Variants in ACO2 observed in about 807,000 individuals in gnomAD.
ACO2 encodes the protein aconitate hydratase, mitochondrial.
A neutral mutation model predicts 84.5 loss-of-function variants in ACO2; 31 were observed. That is an observed-to-expected ratio of 0.37 (90% CI 0.28 to 0.50). ACO2 has a LOEUF of 0.50. Among genes scored for constraint, ACO2 ranks in the 20% least tolerant of loss-of-function variants. ACO2 has a pLI of 0.97. For missense variants in ACO2, 685 were observed against 1,029.3 expected, an observed-to-expected ratio of 0.67 and a Z score of 4.58; for synonymous variants, 414 against 412.7, an observed-to-expected ratio of 1.00 and a Z score of -0.04.
chr22:41,494,496 C>A (rs981994279), intron 1 of ACO2, among the ~76,000 whole-genome samples: 12 of 151,136 alleles, frequency 7.9e-5, no homozygotes, highest in African/African-American at 2.9e-4. Flanking sequence ...ACTGCAACCT[C>A]CACTTCCCGG....
At chr22:41,498,254 G>A (rs2066329449) in intron 1 of ACO2, among the ~76,000 whole-genome samples, 1 of 152,094 alleles carries the variant, frequency 6.6e-6, no homozygotes, top group African/African-American at 2.4e-5. Flanking sequence ...TCAGACTGCA[G>A]GGAAGTATGA....
chr22:41,474,270 T>C (rs1375362132), intron 1 of ACO2, among the ~76,000 whole-genome samples: 1 of 147,442 alleles, frequency 6.8e-6, no homozygotes, highest in African/African-American at 2.5e-5. Context: ...TTGAATTCAG[T>C]GGTCGTGTGT....
At position 41,525,044 on chromosome 22, in the gene ACO2, G is replaced by T. The variant is rs890981863; in HGVS notation, c.1605+76G>T. On this transcript the variant is annotated intron_variant, in intron 13 of 17. Coordinates refer to ENST00000216254, the MANE Select transcript of ACO2 (RefSeq NM_001098.3). ...CCTTCTCAACCTCACAGCACCTCCTGTGCAGGCAGGGAGGGCGCTGCTAGT... is the reference window on the plus strand; with the variant it reads ...CCTTCTCAACCTCACAGCACCTCCTTTGCAGGCAGGGAGGGCGCTGCTAGT... 3 of 1,610,342 alleles carry T rather than the reference G, an allele frequency of 1.9e-6. No homozygotes were observed. In the African/African-American group the frequency reaches 4.0e-5, roughly 21 times the overall value.
chr22:41,470,408 A>C (rs1222056952), intron 1 of ACO2, among the ~76,000 whole-genome samples: 1 of 152,134 alleles, frequency 6.6e-6, no homozygotes. Flanking sequence ...ATTTTTCATC[A>C]CATTGCTTAA....
intron 1 of ACO2, 110 bp downstream of exon 1, chr22:41,469,292 G>A: frequency 7.4e-7 from 1 of 1,351,954 alleles, no homozygotes; most frequent in East Asian, 2.6e-5. Flanking sequence ...CCAACTTCTC[G>A]TGTACCTGTC....
intron 4 of ACO2, 86 bp downstream of exon 4, chr22:41,512,054 AG>A (rs1342666249): frequency 6.5e-6 from 6 of 925,902 alleles, no homozygotes; most frequent in East Asian, 3.0e-5. Context: ...TTTGAGGCCC[AG>A]GGGGGCTGAG....
chr22:41,477,129 ATTAT>A (rs141758153), intron 1 of ACO2, among the ~76,000 whole-genome samples: 5,077 of 145,740 alleles, frequency 0.035, 267 homozygotes, highest in African/African-American at 0.12. Context: ...TGGTTTCCAT[ATTAT>A]TTATTTATTT....
rs767849912 is a variant in ACO2, at chr22:41,515,969, G to T, written c.835+52G>T. On this transcript the variant is annotated intron_variant, in intron 6 of 17. Coordinates refer to ENST00000216254, the MANE Select transcript of ACO2 (RefSeq NM_001098.3). The surrounding 1 kb of genome is among the most constrained non-coding windows in gnomAD (Gnocchi z 5.8). Reference sequence around the variant, plus strand: ...CCCCTACCCTGTGCTGGGCCTGATGGGTCTCCAGTTGGGAGTAGAAGCGGT... The same window carrying T: ...CCCCTACCCTGTGCTGGGCCTGATGTGTCTCCAGTTGGGAGTAGAAGCGGT... The T allele has an allele frequency of 6.3e-7, 1 of 1,585,178 alleles. No homozygotes were observed. Among genetic ancestry groups the T allele is most frequent in the African/African-American group, 1.3e-5 (1 of 74,310 alleles).
intron 1 of ACO2, among the ~76,000 whole-genome samples, chr22:41,485,094 C>A (rs2038136334): frequency 6.6e-6 from 1 of 152,078 alleles, no homozygotes; most frequent in Non-Finnish European, 1.5e-5. Context: ...TCAGGCTAGT[C>A]TCAAACTGCC....
intron 1 of ACO2, among the ~76,000 whole-genome samples, chr22:41,493,041 C>T (rs779872781): frequency 1.3e-5 from 2 of 152,186 alleles, no homozygotes; most frequent in Non-Finnish European, 2.9e-5. Flanking sequence ...GGCCATCATG[C>T]TGTGTCATCA....
intron 1 of ACO2, among the ~76,000 whole-genome samples, chr22:41,483,108 G>A (rs751853087): frequency 1.3e-5 from 2 of 152,230 alleles, no homozygotes; most frequent in Non-Finnish European, 2.9e-5. Context: ...GTGGGGGAAA[G>A]TGGAGGGCGA....
In ACO2 at chr22:41,517,120, A is replaced by C. The variant is rs117217130; in HGVS notation, c.836-407A>C. Among the ~76,000 whole-genome samples the C allele has an allele frequency of 2.7e-3, 404 of 152,262 alleles. 2 individuals carry two copies. Among genetic ancestry groups the C allele is most frequent in the Non-Finnish European group, 3.9e-3 (262 of 68,010 alleles). ...TTATGTGCTTTATGGCATGACCTTG[A>C]ATCTCTCTGAGCCAGTTCCTCCCCT... On this transcript the variant is annotated intron_variant, in intron 6 of 17. Transcript: ENST00000216254.
chr22:41,484,008 C>T (rs559107067), intron 1 of ACO2, among the ~76,000 whole-genome samples: 12 of 152,164 alleles, frequency 7.9e-5, no homozygotes, highest in South Asian at 4.2e-4. Flanking sequence ...TATCGAGTGT[C>T]GTAGCCGATG....
In ACO2 at chr22:41,487,540, A is replaced by G. The variant is rs559420985; in HGVS notation, c.37-12186A>G. On this transcript the variant is annotated intron_variant, in intron 1 of 17. Coordinates refer to ENST00000216254, the MANE Select transcript of ACO2 (RefSeq NM_001098.3). Reference sequence around the variant, plus strand: ...ATTGGGGAGGTAGTATGGGAGGGAAAGCATTGACTTGATAATTGGAGGGCT... The same window carrying G: ...ATTGGGGAGGTAGTATGGGAGGGAAGGCATTGACTTGATAATTGGAGGGCT... 4.6e-5 allele frequency among the ~76,000 whole-genome samples: 7 copies of G among 152,312 alleles called. No individual in the cohort carries two copies. The South Asian group carries it at 1.5e-3, about 32-fold the overall frequency.
At chr22:41,473,555 A>G (rs1321407975) in intron 1 of ACO2, among the ~76,000 whole-genome samples, 1 of 152,234 alleles carries the variant, frequency 6.6e-6, no homozygotes, top group Non-Finnish European at 1.5e-5. Context: ...GCATTGTTCT[A>G]GACACTGGGG....
At chr22:41,497,025 A>G (rs542996589) in intron 1 of ACO2, among the ~76,000 whole-genome samples, 24 of 151,600 alleles carry the variant, frequency 1.6e-4, no homozygotes, top group South Asian at 1.5e-3. Context: ...AGGAACACCA[A>G]CCACCTAGAA....
At position 41,523,288 on chromosome 22, in the gene ACO2, G is replaced by GT. The variant is rs751717279; in HGVS notation, c.1370+11dup. The GT allele has an allele frequency of 9.4e-6, 15 of 1,597,526 alleles. No individual in the cohort carries two copies. The highest frequency in any genetic ancestry group is 1.3e-5 in the African/African-American group (1 of 74,348). Reference sequence around the variant, plus strand: ...TTGGCCAGTGGGACAGGTAAGAGGCGTATCTTTTGACAAGACAGCCCCTTG... The same window carrying GT: ...TTGGCCAGTGGGACAGGTAAGAGGCGTTATCTTTTGACAAGACAGCCCCTTG... On this transcript the variant is annotated intron_variant, in intron 11 of 17. Transcript: ENST00000216254.
chr22:41,504,711 CTTTTTTTTTTTTTT>C lies in ACO2; in HGVS notation c.174-3063_174-3050del, dbSNP rs926246283. On this transcript the variant is annotated intron_variant, in intron 2 of 17. Transcript: ENST00000216254. ...GCCAGCAGATCCAGCACCTTAGGGA[CTTTTTTTTTTTTTT>C]TTTTTTTTTTTTTTTTGAGGTAGGG... is the stretch of plus-strand genomic sequence containing the variant. Among the ~76,000 whole-genome samples the C allele has an allele frequency of 2.3e-4, 11 of 48,590 alleles. No individual in the cohort carries two copies. In the South Asian group the frequency reaches 2.4e-3, roughly 10 times the overall value. 31.9% of individuals were successfully genotyped at this position (48,590 alleles called of 152,430 possible). A position where few individuals can be genotyped will look rare whatever the true frequency, so the allele number is the denominator to read the frequency against.
intron 1 of ACO2, among the ~76,000 whole-genome samples, chr22:41,482,291 C>T (rs1020763505): frequency 6.6e-6 from 1 of 152,218 alleles, no homozygotes; most frequent in Admixed American, 6.5e-5. Flanking sequence ...GGCCGCTGGG[C>T]CTGAAGCAGA....
Sources: allele counts gnomAD v4.1 joint callset (sites outside exome capture counted in the v4.1 genomes callset), GRCh38; gene constraint gnomAD v4.1.1; non-coding constraint Gnocchi (gnomAD v3.1); transcripts MANE v1.5; gene names NCBI Gene and HGNC (gene_info 2026-07-23, HGNC 2026-07-21).